Variants in TLN2 observed in about 807,000 individuals in gnomAD.
TLN2 encodes talin 2.
Under a neutral mutation model 294.7 loss-of-function variants are expected in TLN2, and 118 were observed. That is an observed-to-expected ratio of 0.40 (90% CI 0.34 to 0.47). The LOEUF (loss-of-function observed/expected upper bound fraction) is 0.47, where lower values mean the gene tolerates loss of function less well. TLN2 is among the 20% of genes least tolerant of loss of function. The probability of loss-of-function intolerance (pLI) is 0.84; values close to 1 mark genes in which losing one functional copy is unlikely to be tolerated. For missense variants in TLN2, 3,083 were observed against 3,282.2 expected (o/e 0.94, Z 1.48); for synonymous variants, 1,431 against 1,304.5 (o/e 1.10, Z -2.09).
intron 1 of TLN2, among the ~76,000 whole-genome samples, chr15:62,521,036 CTTTT>C (rs930172030): frequency 3.3e-5 from 5 of 152,142 alleles, no homozygotes; most frequent in Non-Finnish European, 5.9e-5. Context: ...TTTTCACTTT[CTTTT>C]TGTCTTCTTA....
rs529629868 is a variant in TLN2 at position 62,564,832 on chromosome 15, C to T, written c.-237-24855C>T. Among the ~76,000 whole-genome samples, 26 of 149,006 alleles carry T rather than the reference C, an allele frequency of 1.7e-4. 1 individual carries two copies. The South Asian group carries it at 4.9e-3, about 28-fold the overall frequency. ...TGAGGCAGGAGAATCGCTTGAACCCCGGGAGGTGGAGGTTGAAGTGAGCCG... is the reference window on the plus strand; with the variant it reads ...TGAGGCAGGAGAATCGCTTGAACCCTGGGAGGTGGAGGTTGAAGTGAGCCG... On this transcript the variant is annotated intron_variant, in intron 1 of 58. Transcript: ENST00000636159.
intron 1 of TLN2, among the ~76,000 whole-genome samples, chr15:62,427,807 C>T (rs1272459059): frequency 6.6e-6 from 1 of 152,130 alleles, no homozygotes; most frequent in Non-Finnish European, 1.5e-5. Context: ...GCCTCGACTC[C>T]CTATTTGTTT....
At chr15:62,566,860 T>A (rs1455142460) in intron 1 of TLN2, among the ~76,000 whole-genome samples, 3 of 152,062 alleles carry the variant, frequency 2.0e-5, no homozygotes, top group Non-Finnish European at 4.4e-5. Flanking sequence ...GCCCACTTTT[T>A]TTTTTTAATA....
At chr15:62,607,753 A>G (rs1297206247) in intron 2 of TLN2, among the ~76,000 whole-genome samples, 1 of 147,168 alleles carries the variant, frequency 6.8e-6, no homozygotes, top group Non-Finnish European at 1.5e-5. Context: ...GTGTGTGTGC[A>G]CAAGTCCATG....
chr15:62,553,777 A>G (rs1207160402), intron 1 of TLN2, among the ~76,000 whole-genome samples: 1 of 152,166 alleles, frequency 6.6e-6, no homozygotes, highest in African/African-American at 2.4e-5. Context: ...TTGTTATTGC[A>G]TATAATTTAG....
At chr15:62,628,177 T>C (rs907373691) in intron 3 of TLN2, among the ~76,000 whole-genome samples, 3 of 152,248 alleles carry the variant, frequency 2.0e-5, no homozygotes, top group Admixed American at 6.5e-5. Flanking sequence ...TGCAGTTACT[T>C]AGTCTTGGTA....
chr15:62,702,180 G>A lies in TLN2; in HGVS notation c.1885G>A (p.Val629Met), dbSNP rs141499254. ...GGCGGTGTCAGACTTGCTGAAAGCTGTGCAGCCTACTTCTGGAGAGGTAAG... is the reference window on the plus strand; with the variant it reads ...GGCGGTGTCAGACTTGCTGAAAGCTATGCAGCCTACTTCTGGAGAGGTAAG... ...AGAVSDLLKA[V>M]QPTSGEPRQT... is the part of the protein sequence containing the mutation. Residue 629 changes from valine (V) to methionine (M), a missense_variant, in exon 18 of 59, where the codon GTG becomes ATG. Physicochemically the swap from Val to Met is conservative, Grantham distance 21. Transcript: ENST00000636159. The A allele has an allele frequency of 6.2e-7, 1 of 1,604,146 alleles. No homozygotes were observed. Among genetic ancestry groups the A allele is most frequent in the African/African-American group, 1.3e-5 (1 of 74,812 alleles).
At chr15:62,827,786 AAT>A (rs1449410514) in intron 54 of TLN2, 2 of 152,240 alleles carry the variant, frequency 1.3e-5, no homozygotes, top group African/African-American at 4.8e-5. Context: ...TGAAATTGCT[AAT>A]AGTTTTTGAG....
At chr15:62,783,658 T>G in intron 44 of TLN2, 113 bp from the exon 45 acceptor site, 2 of 1,455,614 alleles carry the variant, frequency 1.4e-6, no homozygotes, top group East Asian at 2.5e-5. Flanking sequence ...CTCAGGAGCT[T>G]AAAAGTGAAT....
Position 62,740,761 on chromosome 15 carries a change from A to T in TLN2, c.4017A>T (p.Ala1339=). 6.2e-7 allele frequency: 1 copy of T among 1,614,212 alleles called. No homozygotes were observed. Among genetic ancestry groups the T allele is most frequent in the Non-Finnish European group, 8.5e-7 (1 of 1,180,042 alleles). ...CCAATGCGAAAAATCTCCTGGCTGCAGCTGCAAGGTAGGAGTGGGACACAA... is the reference window on the plus strand; with the variant it reads ...CCAATGCGAAAAATCTCCTGGCTGCTGCTGCAAGGTAGGAGTGGGACACAA... ...GAPNAKNLLA[A]AARAVTESIN... The change falls in exon 32 of 59, where the codon GCA becomes GCT. Residue 1339 remains alanine (A), a synonymous_variant. Transcript: ENST00000636159.
chr15:62,456,770 T>C (rs1334157338), intron 1 of TLN2, among the ~76,000 whole-genome samples: 1 of 152,204 alleles, frequency 6.6e-6, no homozygotes, highest in African/African-American at 2.4e-5. Flanking sequence ...ACAAAGGCTG[T>C]GTGGCCATTT....
chr15:62,705,427 CTTG>C lies in TLN2; in HGVS notation c.2005-1655_2005-1653del, dbSNP rs144310767. Reference sequence around the variant, plus strand: ...TTTACACTGGCTATATAATAGTGGTCTTGTTGAAAATTTTGACAAAGGCCTTGT... The same window carrying C: ...TTTACACTGGCTATATAATAGTGGTCTTGAAAATTTTGACAAAGGCCTTGT... On this transcript the variant is annotated intron_variant, in intron 19 of 58. Coordinates refer to ENST00000636159, the MANE Select transcript of TLN2 (RefSeq NM_015059.3). Among the ~76,000 whole-genome samples the C allele has an allele frequency of 7.6e-3, 1,164 of 152,284 alleles. 8 individuals carry two copies. Among genetic ancestry groups the C allele is most frequent in the Non-Finnish European group, 0.013 (862 of 68,010 alleles).
At chr15:62,675,069 C>A (rs1227152549) in intron 10 of TLN2, 148 bp from the exon 11 acceptor site, 6 of 689,756 alleles carry the variant, frequency 8.7e-6, no homozygotes, top group Non-Finnish European at 1.5e-5. Flanking sequence ...TCAGCAGTTG[C>A]CTGTGTCATG....
chr15:62,581,216 C>G (rs2044987320), intron 1 of TLN2, among the ~76,000 whole-genome samples: 1 of 152,138 alleles, frequency 6.6e-6, no homozygotes, highest in South Asian at 2.1e-4. Context: ...CTAGTGTTGC[C>G]TCTTCCAGAA....
chr15:62,516,071 G>A (rs2040177570), intron 1 of TLN2, among the ~76,000 whole-genome samples: 1 of 152,192 alleles, frequency 6.6e-6, no homozygotes, highest in African/African-American at 2.4e-5. Flanking sequence ...TCTACTTTGT[G>A]GATCATCCAA....
intron 1 of TLN2, among the ~76,000 whole-genome samples, chr15:62,569,471 C>T (rs1373202624): frequency 6.6e-6 from 1 of 152,216 alleles, no homozygotes; most frequent in Admixed American, 6.5e-5. Flanking sequence ...CCGCGGGAGG[C>T]AGGGGTTAGC....
chr15:62,590,821 G>T (rs1292214466), intron 2 of TLN2, among the ~76,000 whole-genome samples: 2 of 152,108 alleles, frequency 1.3e-5, no homozygotes, highest in African/African-American at 2.4e-5. Flanking sequence ...ACACCCAGAT[G>T]TATCAGTTCT....
At chr15:62,710,506 A>G (rs1159817889) in intron 21 of TLN2, among the ~76,000 whole-genome samples, 2 of 152,160 alleles carry the variant, frequency 1.3e-5, no homozygotes, top group East Asian at 1.9e-4. Context: ...GTTTTTGACA[A>G]TCCTTTTATT....
intron 1 of TLN2, among the ~76,000 whole-genome samples, chr15:62,469,166 T>C (rs1238183955): frequency 2.6e-5 from 4 of 152,232 alleles, no homozygotes; most frequent in Admixed American, 1.3e-4. Flanking sequence ...AGAAGCTTCT[T>C]GACTAGAGTC....
Sources: gnomAD v4.1 joint callset for allele counts (sites outside exome capture counted in the v4.1 genomes callset) on GRCh38, gnomAD v4.1.1 for gene constraint, MANE v1.5 for transcripts, NCBI Gene and HGNC (gene_info 2026-07-23, HGNC 2026-07-21) for gene names.